AKAP7: variants seen among roughly 807,000 people sequenced by gnomAD.
AKAP7 encodes the protein A kinase (PRKA) anchor protein 7.
In AKAP7, 39 loss-of-function variants were observed where a neutral mutation model predicts 39.5. That is an observed-to-expected ratio of 0.99 (90% confidence interval 0.76 to 1.29). The LOEUF is 1.29. Among genes scored for constraint, AKAP7 ranks in the 50% most tolerant of loss-of-function variants. The pLI is 0.00. For synonymous variants in AKAP7, 140 were observed against 139.1 expected (o/e 1.01, Z -0.05); for missense variants, 414 against 407.7 (o/e 1.02, Z -0.13).
chr6:131,270,360 G>A (rs9483241), intron 7 of AKAP7, among the ~76,000 whole-genome samples: 3,198 of 152,138 alleles, frequency 0.021, 101 homozygotes, highest in African/African-American at 0.069. Flanking sequence ...TTCACACAAC[G>A]TATTTTAGTT....
chr6:131,220,763 TC>T (rs1418909820), intron 7 of AKAP7, among the ~76,000 whole-genome samples: 2 of 152,230 alleles, frequency 1.3e-5, no homozygotes, highest in African/African-American at 4.8e-5. Context: ...TTGGTAATTC[TC>T]ACAGTATTTT....
At chr6:131,198,263 C>T (rs1350240479) in intron 5 of AKAP7, among the ~76,000 whole-genome samples, 1 of 152,148 alleles carries the variant, frequency 6.6e-6, no homozygotes, top group Non-Finnish European at 1.5e-5. Flanking sequence ...GTCCTATCTA[C>T]TAATTCTAAC....
rs1482728953 is a variant in AKAP7 at position 131,282,496 on chromosome 6, AT to A, written c.*772del. 5 of 1,535,790 alleles carry A rather than the reference AT, an allele frequency of 3.3e-6. No individual in the cohort carries two copies. Among genetic ancestry groups the A allele is most frequent in the African/African-American group, 2.7e-5 (2 of 73,050 alleles). ...AAGTGAAACAGATAAAGGAACTTTT[AT>A]TAAAGCCTGAGACTCAGGCCAGAAT... On this transcript the variant is annotated 3_prime_UTR_variant, in exon 8 of 8. Coordinates refer to ENST00000431975, the MANE Select transcript of AKAP7 (RefSeq NM_016377.4).
intron 7 of AKAP7, among the ~76,000 whole-genome samples, chr6:131,238,422 C>G (rs955785080): frequency 3.3e-5 from 5 of 152,170 alleles, no homozygotes; most frequent in African/African-American, 1.2e-4. Flanking sequence ...TCTATTAGGT[C>G]TGCTTGGTGC....
chr6:131,272,848 T>C (rs1411734429), intron 7 of AKAP7, among the ~76,000 whole-genome samples: 3 of 152,212 alleles, frequency 2.0e-5, no homozygotes, highest in African/African-American at 7.2e-5. Flanking sequence ...TCTGTAATTT[T>C]CAGTTAGGTG....
intron 5 of AKAP7, among the ~76,000 whole-genome samples, chr6:131,191,871 G>A (rs1806441807): frequency 6.7e-6 from 1 of 148,208 alleles, no homozygotes; most frequent in African/African-American, 2.5e-5. Context: ...TTGAGACTTG[G>A]TCAACTCTGT....
the AKAP7 span, among the ~76,000 whole-genome samples, chr6:131,128,070 G>A: frequency 6.6e-6 from 1 of 152,138 alleles, no homozygotes; most frequent in Non-Finnish European, 1.5e-5. Context: ...AAAGTAACTA[G>A]CCTCCTATCA....
chr6:131,248,049 G>A (rs762042931), intron 7 of AKAP7, among the ~76,000 whole-genome samples: 1 of 152,156 alleles, frequency 6.6e-6, no homozygotes, highest in African/African-American at 2.4e-5. Context: ...TGAGTAGAGG[G>A]CCTTTTTGTT....
chr6:131,154,468 G>GTT (rs58715551), intron 2 of AKAP7, among the ~76,000 whole-genome samples: 80 of 112,498 alleles, frequency 7.1e-4, no homozygotes, highest in Non-Finnish European at 1.0e-3. Context: ...CCCTGTCCCT[G>GTT]TTTTTTTTTT....
chr6:131,238,657 G>T (rs1024607355), intron 7 of AKAP7, among the ~76,000 whole-genome samples: 1 of 152,156 alleles, frequency 6.6e-6, no homozygotes, highest in Non-Finnish European at 1.5e-5. Flanking sequence ...TTACCATTAT[G>T]TCATGACCTT....
intron 7 of AKAP7, among the ~76,000 whole-genome samples, chr6:131,273,284 G>A (rs1814444994): frequency 6.6e-6 from 1 of 151,992 alleles, no homozygotes; most frequent in Non-Finnish European, 1.5e-5. Flanking sequence ...CAACATCTCT[G>A]ACTGTTCATT....
chr6:131,146,657 G>T (rs150942623), intron 2 of AKAP7, among the ~76,000 whole-genome samples: 1 of 152,296 alleles, frequency 6.6e-6, no homozygotes, highest in African/African-American at 2.4e-5. Flanking sequence ...GCAACCTTAC[G>T]TAAAGCCTTG....
rs1211652401 is a variant in AKAP7, at chr6:131,275,699, G to T, written c.851-5831G>T. ...ATGTGACCATATGAGGAGCCATGTGGAGGGCACAAGTCACAGGGCTCATCC... is the reference window on the plus strand; with the variant it reads ...ATGTGACCATATGAGGAGCCATGTGTAGGGCACAAGTCACAGGGCTCATCC... On this transcript the variant is annotated intron_variant, in intron 7 of 7. Transcript: ENST00000431975. Among the ~76,000 whole-genome samples, 5 of 152,318 alleles carry T rather than the reference G, an allele frequency of 3.3e-5. No individual in the cohort carries two copies. In the East Asian group the frequency reaches 9.7e-4, roughly 29 times the overall value.
chr6:131,160,250 A>G, intron 3 of AKAP7, 52 bp downstream of exon 3: 3 of 1,472,558 alleles, frequency 2.0e-6, no homozygotes, highest in Non-Finnish European at 2.7e-6. Context: ...CTAAATTTAA[A>G]GTACAACTAA....
intron 2 of AKAP7, among the ~76,000 whole-genome samples, chr6:131,147,687 A>AGAAG (rs1801587101): frequency 1.3e-5 from 2 of 152,250 alleles, no homozygotes; most frequent in Non-Finnish European, 2.9e-5. Context: ...ATATAAATAA[A>AGAAG]GAAGGCTTCT....
At chr6:131,239,511 T>G (rs1487760877) in intron 7 of AKAP7, among the ~76,000 whole-genome samples, 2 of 152,228 alleles carry the variant, frequency 1.3e-5, no homozygotes, top group Non-Finnish European at 2.9e-5. Flanking sequence ...TTTTCCAACT[T>G]GGTTCCATTC....
At chr6:131,199,402 G>C in intron 5 of AKAP7, 59 bp from the exon 6 acceptor site, 5 of 1,196,738 alleles carry the variant, frequency 4.2e-6, no homozygotes, top group Non-Finnish European at 6.0e-6. Flanking sequence ...TTTTTTTACA[G>C]TTAAAAAGAA....
At chr6:131,188,909 T>C (rs980813904) in intron 5 of AKAP7, among the ~76,000 whole-genome samples, 16 of 152,134 alleles carry the variant, frequency 1.1e-4, no homozygotes, top group African/African-American at 3.9e-4. Context: ...AAATAATATA[T>C]AGAGATACTT....
Position 131,241,610 on chromosome 6 carries a change from T to TATATAC in AKAP7, c.850+21802_850+21803insATATAC, listed in dbSNP as rs56747262. Among the ~76,000 whole-genome samples the TATATAC allele has an allele frequency of 5.2e-4, 71 of 137,686 alleles. 6 individuals carry two copies. The highest frequency in any genetic ancestry group is 1.0e-3 in the Admixed American group (14 of 13,596). The allele number at this position is 137,686 out of a possible 152,430, so 90.3% of individuals were successfully genotyped here. A position where few individuals can be genotyped will look rare whatever the true frequency, so the allele number is the denominator to read the frequency against. ...GTGTGTGTGTGTGTGTGTGTGTGTGTGTGTGTGTGTGTGTGTGTATATATA... is the reference window on the plus strand; with the variant it reads ...GTGTGTGTGTGTGTGTGTGTGTGTGTATATACGTGTGTGTGTGTGTGTGTATATATA... On this transcript the variant is annotated intron_variant, in intron 7 of 7. Transcript: ENST00000431975.
Sources: allele counts gnomAD v4.1 joint callset (sites outside exome capture counted in the v4.1 genomes callset), GRCh38; gene constraint gnomAD v4.1.1; transcripts MANE v1.5; gene names NCBI Gene and HGNC (gene_info 2026-07-23, HGNC 2026-07-21).